Variants in GCA observed in about 807,000 individuals in gnomAD.
GCA encodes grancalcin, EF-hand calcium-binding protein.
GCA carries 30 observed loss-of-function variants against 32.6 expected under a neutral mutation model. The ratio of observed to expected loss-of-function variants is 0.92; its 90% confidence interval spans 0.69 to 1.25. The LOEUF (loss-of-function observed/expected upper bound fraction) is 1.25, where lower values mean the gene tolerates loss of function less well. Among genes scored for constraint, GCA ranks in the 50% most tolerant of loss-of-function variants. The pLI is 0.00. For synonymous variants in GCA, 102 were observed against 84.6 expected (o/e 1.21, Z -1.13); for missense variants, 291 against 266.8 (o/e 1.09, Z -0.63).
chr2:162,372,884 A>G (rs925997540), downstream of GCA, among the ~76,000 whole-genome samples: 8 of 152,174 alleles, frequency 5.3e-5, no homozygotes, highest in African/African-American at 1.7e-4. Context: ...AGGATAAAGG[A>G]CTCTTTAAAT....
intron 1 of GCA, 26 bp downstream of exon 1, chr2:162,344,301 C>G (rs766108785): frequency 3.7e-6 from 6 of 1,611,844 alleles, no homozygotes; most frequent in Non-Finnish European, 5.1e-6. Flanking sequence ...TTGGTCGTGT[C>G]CCTCTTCCTC....
In GCA at chr2:162,356,430, T is replaced by C. The variant is rs556001760; in HGVS notation, c.263-8T>C. 3 of 1,512,560 alleles carry C rather than the reference T, an allele frequency of 2.0e-6. No individual in the cohort carries two copies. In the East Asian group the frequency reaches 6.8e-5, roughly 34 times the overall value. 93.7% of individuals were successfully genotyped at this position (1,512,560 alleles called of 1,614,324 possible). The stretch of plus-strand genomic sequence containing the variant: ...TACTCTAATTTAAATATTGAATATG[T>C]TTTACAGCCTTCAGTTTGGAAACCT... On this transcript the variant is annotated splice_region_variant and splice_polypyrimidine_tract_variant and intron_variant, in intron 3 of 7. Coordinates refer to ENST00000437150, the MANE Select transcript of GCA (RefSeq NM_012198.5).
upstream of GCA, among the ~76,000 whole-genome samples, chr2:162,341,032 T>A (rs1434651830): frequency 1.3e-5 from 2 of 152,004 alleles, no homozygotes; most frequent in Non-Finnish European, 2.9e-5. Flanking sequence ...TACTTACTCA[T>A]CATTTTTACT....
At chr2:162,373,612 T>C, downstream of GCA, 1 of 1,567,140 alleles carries the variant, frequency 6.4e-7, no homozygotes, top group Middle Eastern at 1.7e-4. Flanking sequence ...GGTTTGTTTC[T>C]GCAGCAACTG....
At chr2:162,337,880 T>C (rs1684319904) in intron 1 of GCA, among the ~76,000 whole-genome samples, 2 of 152,188 alleles carry the variant, frequency 1.3e-5, no homozygotes, top group South Asian at 4.1e-4. Context: ...GCACTGGTGA[T>C]TGTGTAGTGA....
chr2:162,350,440 T>G (rs1168094658), intron 2 of GCA, among the ~76,000 whole-genome samples: 1 of 152,146 alleles, frequency 6.6e-6, no homozygotes, highest in Admixed American at 6.5e-5. Context: ...CCCCTATTGG[T>G]TTAAGCATCT....
chr2:162,366,026 A>G (rs1237419872), downstream of GCA, among the ~76,000 whole-genome samples: 2 of 151,724 alleles, frequency 1.3e-5, no homozygotes, highest in Non-Finnish European at 1.5e-5. Flanking sequence ...ATTACTTTCA[A>G]TATAAAAACA....
In GCA at chr2:162,360,631, A is replaced by T; in HGVS notation, c.*388A>T. The T allele has an allele frequency of 8.1e-7, 1 of 1,239,554 alleles. No individual in the cohort carries two copies. The highest frequency in any genetic ancestry group is 1.0e-6 in the Non-Finnish European group (1 of 985,540). The allele number at this position is 1,239,554 out of a possible 1,614,324, so 76.8% of individuals were successfully genotyped here. On this transcript the variant is annotated 3_prime_UTR_variant, in exon 8 of 8. Transcript: ENST00000437150. ...AATTTATACTTATCTGAAGGTTACA[A>T]ATTAGACTTTTAAATTTTCTTTGTA...
At chr2:162,320,415 C>T (rs1576246440) in intron 1 of GCA, among the ~76,000 whole-genome samples, 1 of 152,168 alleles carries the variant, frequency 6.6e-6, no homozygotes, top group African/African-American at 2.4e-5. Context: ...GGGTTTTATT[C>T]AACATGTTAA....
At position 162,347,110 on chromosome 2, in the gene GCA, TAA is replaced by T. The variant is rs35421582; in HGVS notation, c.28-467_28-466del. Among the ~76,000 whole-genome samples, 1,460 of 152,352 alleles carry T rather than the reference TAA, an allele frequency of 9.6e-3. 11 individuals are homozygous for T. Among genetic ancestry groups the T allele is most frequent in the Non-Finnish European group, 0.016 (1,057 of 68,036 alleles). ...ATATTGACATATAAAGTTTTTATTT[TAA>T]GTTTAAATAGTTGTAAAGAATACAA... On this transcript the variant is annotated intron_variant, in intron 1 of 7. Coordinates refer to ENST00000437150, the MANE Select transcript of GCA (RefSeq NM_012198.5).
chr2:162,367,484 G>A (rs148270989), downstream of GCA, among the ~76,000 whole-genome samples: 2 of 151,980 alleles, frequency 1.3e-5, no homozygotes, highest in African/African-American at 4.8e-5. Flanking sequence ...AGTACTGATC[G>A]ACAGATTACT....
At chr2:162,359,233 C>A (rs62188197) in intron 6 of GCA, 76 bp downstream of exon 6, 4 of 821,648 alleles carry the variant, frequency 4.9e-6, no homozygotes, top group Non-Finnish European at 8.2e-6. Flanking sequence ...TTTCCTCCAG[C>A]AAGTTTATAA....
At chr2:162,373,202 A>G (rs1236836955), downstream of GCA, among the ~76,000 whole-genome samples, 2 of 152,212 alleles carry the variant, frequency 1.3e-5, no homozygotes, top group East Asian at 3.9e-4. Context: ...TTGATTCTGG[A>G]AGAAAGGTTT....
chr2:162,319,182 C>T (rs1326997614), exon 1 of GCA: 5 of 456,780 alleles, frequency 1.1e-5, no homozygotes, highest in African/African-American at 8.0e-5. Flanking sequence ...ACCTGACCTC[C>T]TGTGGGTTCC....
chr2:162,321,272 C>T (rs1366900951), intron 1 of GCA, among the ~76,000 whole-genome samples: 1 of 152,110 alleles, frequency 6.6e-6, no homozygotes, highest in Non-Finnish European at 1.5e-5. Context: ...ATCCTTTTCA[C>T]CAGTTCCCAA....
intron 2 of GCA, among the ~76,000 whole-genome samples, chr2:162,351,404 C>T (rs1446556439): frequency 2.0e-5 from 3 of 152,192 alleles, no homozygotes; most frequent in South Asian, 4.1e-4. Flanking sequence ...ACCTGATGCT[C>T]TTGTAATTTA....
In GCA at chr2:162,344,717, A is replaced by T. The variant is rs114622582; in HGVS notation, c.27+442A>T. 4.8e-3 allele frequency among the ~76,000 whole-genome samples: 723 copies of T among 151,404 alleles called. 9 individuals carry two copies. The highest frequency in any genetic ancestry group is 0.017 in the African/African-American group (682 of 41,186). On this transcript the variant is annotated intron_variant, in intron 1 of 7. Coordinates refer to ENST00000437150, the MANE Select transcript of GCA (RefSeq NM_012198.5). ...TTAAGGTGTACGGTAAATAACTCCT[A>T]ATCTTTACTGTTATACGAAGGGCAA...
At chr2:162,336,482 G>C (rs769144167) in intron 1 of GCA, among the ~76,000 whole-genome samples, 2 of 151,898 alleles carry the variant, frequency 1.3e-5, no homozygotes, top group Non-Finnish European at 2.9e-5. Flanking sequence ...GACACTTTAT[G>C]AGCAAACTCT....
chr2:162,354,181 T>G (rs916633249), intron 3 of GCA, among the ~76,000 whole-genome samples: 20 of 152,194 alleles, frequency 1.3e-4, no homozygotes, highest in Non-Finnish European at 2.8e-4. Flanking sequence ...ACTGCTTTGC[T>G]CTTATTTTAA....
Sources: gnomAD v4.1 joint callset for allele counts (sites outside exome capture counted in the v4.1 genomes callset) on GRCh38, gnomAD v4.1.1 for gene constraint, MANE v1.5 for transcripts, NCBI Gene and HGNC (gene_info 2026-07-23, HGNC 2026-07-21) for gene names.